The following ZNF385D variants were observed in gnomAD, a reference collection of about 807,000 sequenced individuals.
ZNF385D encodes the protein zinc finger protein 385D.
Under a neutral mutation model 35.8 loss-of-function variants are expected in ZNF385D, and 15 were observed. The ratio of observed to expected loss-of-function variants is 0.42; its 90% CI spans 0.28 to 0.64. The LOEUF is 0.64. ZNF385D is among the 30% of genes least tolerant of loss of function. The probability of loss-of-function intolerance (pLI) is 0.23; values close to 1 mark genes in which losing one functional copy is unlikely to be tolerated. For missense variants in ZNF385D, 474 were observed against 494.6 expected (o/e 0.96, Z 0.39); for synonymous variants, 212 against 186.8 (o/e 1.13, Z -1.10).
chr3:22,219,719 A>G (rs1559460606), intron 2 of ZNF385D, among the ~76,000 whole-genome samples: 1 of 152,186 alleles, frequency 6.6e-6, no homozygotes, highest in Non-Finnish European at 1.5e-5. Flanking sequence ...AAACAAATTA[A>G]TATTTCTAAT....
intron 2 of ZNF385D, among the ~76,000 whole-genome samples, chr3:21,632,825 T>C (rs1330838475): frequency 1.3e-5 from 2 of 152,148 alleles, no homozygotes; most frequent in Non-Finnish European, 2.9e-5. Context: ...AGTTACATTG[T>C]CATCAAGCAA....
At chr3:21,734,785 G>T (rs1032450030) in intron 1 of ZNF385D, among the ~76,000 whole-genome samples, 1 of 152,158 alleles carries the variant, frequency 6.6e-6, no homozygotes, top group African/African-American at 2.4e-5. Context: ...TCTCTGTGTT[G>T]TGGGATTAGC....
At chr3:22,215,460 C>T (rs13092464) in intron 2 of ZNF385D, among the ~76,000 whole-genome samples, 54,055 of 151,628 alleles carry the variant, frequency 0.36, 10,028 homozygotes, top group African/African-American at 0.44. Context: ...AGGGGGCGGC[C>T]GTCTTTTATG....
At chr3:21,834,107 G>T (rs1695175051) in intron 3 of ZNF385D, among the ~76,000 whole-genome samples, 1 of 152,090 alleles carries the variant, frequency 6.6e-6, no homozygotes, top group Admixed American at 6.6e-5. Flanking sequence ...GGAATAGGTG[G>T]TTCTACAAGA....
chr3:21,963,613 G>A (rs1702718303), intron 3 of ZNF385D, among the ~76,000 whole-genome samples: 1 of 152,116 alleles, frequency 6.6e-6, no homozygotes, highest in Admixed American at 6.6e-5. Flanking sequence ...CCTGCCGCTG[G>A]TGGTTGACAG....
At chr3:21,896,096 T>C (rs958307643) in intron 3 of ZNF385D, among the ~76,000 whole-genome samples, 2 of 152,176 alleles carry the variant, frequency 1.3e-5, no homozygotes, top group Non-Finnish European at 2.9e-5. Context: ...ATGAGGCTCC[T>C]GATATATCCC....
At chr3:22,082,160 A>G (rs1276110250) in intron 3 of ZNF385D, among the ~76,000 whole-genome samples, 1 of 152,026 alleles carries the variant, frequency 6.6e-6, no homozygotes, top group Admixed American at 6.6e-5. Context: ...TGATTTCTGC[A>G]TTTCCAATTG....
At chr3:22,010,968 A>G (rs866403426) in intron 3 of ZNF385D, among the ~76,000 whole-genome samples, 2 of 152,186 alleles carry the variant, frequency 1.3e-5, no homozygotes, top group East Asian at 1.9e-4. Context: ...ACATGAATAC[A>G]TGAAATAAAA....
At chr3:22,098,159 T>C (rs1173488050) in intron 3 of ZNF385D, among the ~76,000 whole-genome samples, 1 of 151,942 alleles carries the variant, frequency 6.6e-6, no homozygotes, top group African/African-American at 2.4e-5. Flanking sequence ...GGAAGTTGAG[T>C]TCAAGATAGA....
intron 3 of ZNF385D, among the ~76,000 whole-genome samples, chr3:21,926,937 C>G (rs868081668): frequency 2.0e-5 from 3 of 152,154 alleles, no homozygotes; most frequent in Non-Finnish European, 4.4e-5. Flanking sequence ...CTACAAAGAA[C>G]TGTCCTCTCC....
intron 3 of ZNF385D, among the ~76,000 whole-genome samples, chr3:22,115,915 A>T (rs1387683922): frequency 6.6e-6 from 1 of 152,090 alleles, no homozygotes; most frequent in Non-Finnish European, 1.5e-5. Context: ...AAGCGAGCTG[A>T]TGCCTATACC....
In ZNF385D at chr3:21,751,021, C is replaced by T. The variant is rs892237709; in HGVS notation, c.-105G>A. ...TCATGCTACATTCGGTGGAAATGTC[C>T]CCGGCGTGGAGAGCAGTGAGCGCCG... is the stretch of plus-strand genomic sequence containing the variant. On this transcript the variant is annotated 5_prime_UTR_variant, in exon 1 of 8. Coordinates refer to ENST00000281523, the MANE Select transcript of ZNF385D (RefSeq NM_024697.3). The T allele has an allele frequency of 1.2e-6, 2 of 1,600,224 alleles. No homozygotes were observed. Among genetic ancestry groups the T allele is most frequent in the Non-Finnish European group, 1.7e-6 (2 of 1,173,392 alleles).
chr3:21,861,640 T>C (rs765285147), intron 3 of ZNF385D, among the ~76,000 whole-genome samples: 1 of 152,128 alleles, frequency 6.6e-6, no homozygotes, highest in Non-Finnish European at 1.5e-5. Flanking sequence ...ATCCTTTTAA[T>C]AGCCATAGGT....
chr3:22,040,834 G>C (rs1159327132), intron 3 of ZNF385D, among the ~76,000 whole-genome samples: 2 of 152,100 alleles, frequency 1.3e-5, no homozygotes, highest in Non-Finnish European at 2.9e-5. Flanking sequence ...AAATACAAAG[G>C]CAATAAATAT....
chr3:21,824,188 G>A (rs866499600), intron 3 of ZNF385D, among the ~76,000 whole-genome samples: 1 of 152,110 alleles, frequency 6.6e-6, no homozygotes, highest in Non-Finnish European at 1.5e-5. Flanking sequence ...ACCACTGGAG[G>A]CCCTGAGACT....
intron 2 of ZNF385D, among the ~76,000 whole-genome samples, chr3:22,215,883 A>T (rs1026767167): frequency 6.6e-6 from 1 of 151,708 alleles, no homozygotes; most frequent in Non-Finnish European, 1.5e-5. Context: ...TCTCTTTTGT[A>T]CTCTGTCCCT....
At chr3:21,536,118 T>C (rs980821411) in intron 3 of ZNF385D, among the ~76,000 whole-genome samples, 5 of 151,984 alleles carry the variant, frequency 3.3e-5, no homozygotes, top group African/African-American at 4.8e-5. Flanking sequence ...TAACAACTTA[T>C]TTGGAAAAAA....
At chr3:21,777,457 G>C (rs2071332502) in intron 3 of ZNF385D, among the ~76,000 whole-genome samples, 1 of 151,938 alleles carries the variant, frequency 6.6e-6, no homozygotes, top group Non-Finnish European at 1.5e-5. Flanking sequence ...TTAGTTGACA[G>C]ATAGTCACCA....
At chr3:21,565,781 A>T (rs1231214241) in intron 2 of ZNF385D, among the ~76,000 whole-genome samples, 1 of 152,232 alleles carries the variant, frequency 6.6e-6, no homozygotes, top group East Asian at 1.9e-4. Context: ...TCAAATGATG[A>T]GATAAAAGGA....
Sources: gnomAD v4.1 joint callset for allele counts (sites outside exome capture counted in the v4.1 genomes callset) on GRCh38, gnomAD v4.1.1 for gene constraint, MANE v1.5 for transcripts, NCBI Gene and HGNC (gene_info 2026-07-23, HGNC 2026-07-21) for gene names.